The following ZFYVE9 variants were observed in gnomAD, a reference collection of about 807,000 sequenced individuals.
The protein encoded by ZFYVE9 is zinc finger FYVE domain-containing protein 9.
In ZFYVE9, 43 loss-of-function variants were observed where a neutral mutation model predicts 126.7. The observed-to-expected ratio is 0.34, with a 90% CI of 0.27 to 0.44. The LOEUF is 0.44. ZFYVE9 is among the 20% of genes least tolerant of loss of function. The probability of loss-of-function intolerance (pLI) is 1.00; values close to 1 mark genes in which losing one functional copy is unlikely to be tolerated. For synonymous variants in ZFYVE9, 521 were observed against 597.4 expected (o/e 0.87, Z 1.87); for missense variants, 1,476 against 1,697.0 (o/e 0.87, Z 2.29).
chr1:52,288,067 A>T (rs1211673488), intron 10 of ZFYVE9, among the ~76,000 whole-genome samples: 1 of 152,208 alleles, frequency 6.6e-6, no homozygotes, highest in Non-Finnish European at 1.5e-5. Context: ...AATATATGCT[A>T]AGCAGTATAT....
intron 1 of ZFYVE9, among the ~76,000 whole-genome samples, chr1:52,197,422 T>TTA (rs1382831587): frequency 6.6e-6 from 1 of 152,164 alleles, no homozygotes; most frequent in Non-Finnish European, 1.5e-5. Context: ...AGGTCACTCT[T>TTA]TTAAATTGGA....
intron 1 of ZFYVE9, among the ~76,000 whole-genome samples, chr1:52,152,636 A>G (rs773456902): frequency 5.3e-5 from 8 of 152,230 alleles, no homozygotes; most frequent in Admixed American, 1.3e-4. Context: ...CTCTCCCAGC[A>G]TAGTGATTAA....
intron 1 of ZFYVE9, among the ~76,000 whole-genome samples, chr1:52,152,249 T>A (rs1644364593): frequency 6.6e-6 from 1 of 152,168 alleles, no homozygotes; most frequent in Non-Finnish European, 1.5e-5. Context: ...CTCAGCCTCC[T>A]AAAGTACTGG....
chr1:52,235,865 C>T (rs1220863717), intron 3 of ZFYVE9, among the ~76,000 whole-genome samples: 1 of 152,218 alleles, frequency 6.6e-6, no homozygotes, highest in Non-Finnish European at 1.5e-5. Flanking sequence ...TTTTCTACTC[C>T]TACATAATAG....
chr1:52,198,279 C>T (rs150634873), intron 1 of ZFYVE9, among the ~76,000 whole-genome samples: 15 of 151,770 alleles, frequency 9.9e-5, no homozygotes, highest in Non-Finnish European at 1.5e-4. Context: ...CCAACCACCA[C>T]GCTCAGAAAA....
chr1:52,182,629 C>T (rs921278274), intron 1 of ZFYVE9, among the ~76,000 whole-genome samples: 1 of 152,042 alleles, frequency 6.6e-6, no homozygotes, highest in African/African-American at 2.4e-5. Context: ...CTGCAGGGTC[C>T]TCTGCGTAGG....
chr1:52,163,944 A>G (rs1644486529), intron 1 of ZFYVE9, among the ~76,000 whole-genome samples: 1 of 152,094 alleles, frequency 6.6e-6, no homozygotes, highest in Non-Finnish European at 1.5e-5. Context: ...ACCATATTGA[A>G]TATGACCCAA....
At chr1:52,269,703 G>A (rs1382440978) in intron 7 of ZFYVE9, among the ~76,000 whole-genome samples, 1 of 151,942 alleles carries the variant, frequency 6.6e-6, no homozygotes, top group Non-Finnish European at 1.5e-5. Context: ...AGCCAGAACT[G>A]TGTCTTATCC....
At chr1:52,270,465 G>C (rs560403702) in intron 7 of ZFYVE9, among the ~76,000 whole-genome samples, 40 of 152,028 alleles carry the variant, frequency 2.6e-4, no homozygotes, top group African/African-American at 6.5e-4. Flanking sequence ...GGGGTTTCAC[G>C]ATGTTAGCCA....
chr1:52,303,743 C>T (rs956159346), intron 12 of ZFYVE9, 78 bp from the exon 13 acceptor site: 21 of 849,768 alleles, frequency 2.5e-5, no homozygotes, highest in African/African-American at 5.2e-5. Flanking sequence ...TTTTTCCATT[C>T]GTGTTAATTT....
At chr1:52,335,175 A>C (rs1646377615) in intron 15 of ZFYVE9, 1 of 153,670 alleles carries the variant, frequency 6.5e-6, no homozygotes, top group African/African-American at 2.4e-5. Flanking sequence ...ACATATGTTG[A>C]CAAAAGTTAA....
Position 52,212,883 on chromosome 1 carries a change from T to C in ZFYVE9, c.-142-3486T>C, listed in dbSNP as rs59005655. On this transcript the variant is annotated intron_variant, in intron 1 of 18. Coordinates refer to ENST00000287727, the MANE Select transcript of ZFYVE9 (RefSeq NM_004799.4). ...TGTGATTAATTATTGTAATTATTAA[T>C]TTCACATTGGGAGATGACATTTGAG... 2.1e-3 allele frequency among the ~76,000 whole-genome samples: 314 copies of C among 152,342 alleles called. 8 individuals are homozygous for C. In the East Asian group the frequency reaches 0.054, roughly 26 times the overall value.
Position 52,148,773 on chromosome 1 carries a change from C to T in ZFYVE9, c.-143+6370C>T, listed in dbSNP as rs527543244. Among the ~76,000 whole-genome samples, 444 of 150,986 alleles carry T rather than the reference C, an allele frequency of 2.9e-3. 2 individuals carry two copies. The highest frequency in any genetic ancestry group is 0.01 in the African/African-American group (420 of 41,210). On this transcript the variant is annotated intron_variant, in intron 1 of 18. Transcript: ENST00000287727. ...CCTCCTGCCTCAACCTCCCTGGTAG[C>T]GGGGACTACAGGTGCGCGCCACCAT... is the stretch of plus-strand genomic sequence containing the variant.
intron 2 of ZFYVE9, among the ~76,000 whole-genome samples, chr1:52,221,183 T>C (rs1572110787): frequency 6.6e-6 from 1 of 152,296 alleles, no homozygotes; most frequent in East Asian, 1.9e-4. Context: ...GACCAGTTAT[T>C]TGGCAGTCTT....
chr1:52,272,281 AAC>A (rs1322056667), intron 7 of ZFYVE9, among the ~76,000 whole-genome samples: 1 of 152,244 alleles, frequency 6.6e-6, no homozygotes, highest in Admixed American at 6.5e-5. Flanking sequence ...TACACACACA[AAC>A]ACACACACAT....
chr1:52,235,612 C>CT (rs1645266352), intron 3 of ZFYVE9, among the ~76,000 whole-genome samples: 2 of 152,110 alleles, frequency 1.3e-5, no homozygotes. Context: ...GTTTTGTGCC[C>CT]TTTTTAACAA....
At chr1:52,186,201 C>T (rs192291573) in intron 1 of ZFYVE9, among the ~76,000 whole-genome samples, 2 of 150,196 alleles carry the variant, frequency 1.3e-5, no homozygotes, top group Admixed American at 6.6e-5. Flanking sequence ...GATCATGCCA[C>T]TGCACTCCAG....
chr1:52,241,952 G>A (rs2124634928), intron 4 of ZFYVE9, among the ~76,000 whole-genome samples: 1 of 150,390 alleles, frequency 6.6e-6, no homozygotes, highest in South Asian at 2.1e-4. Flanking sequence ...CATATATTGT[G>A]TCTAATATAT....
At chr1:52,266,956 A>C in intron 6 of ZFYVE9, 125 bp downstream of exon 6, 1 of 855,560 alleles carries the variant, frequency 1.2e-6, no homozygotes, top group East Asian at 3.0e-5. Context: ...TGGTTATTAA[A>C]ATGGAACAAC....
Sources: allele counts gnomAD v4.1 joint callset (sites outside exome capture counted in the v4.1 genomes callset), GRCh38; gene constraint gnomAD v4.1.1; transcripts MANE v1.5; gene names NCBI Gene and HGNC (gene_info 2026-07-23, HGNC 2026-07-21).